CFAP61: variants seen among roughly 807,000 people sequenced by gnomAD.
CFAP61 encodes the protein cilia- and flagella-associated protein 61.
Under a neutral mutation model 135.6 loss-of-function variants are expected in CFAP61, and 107 were observed. The ratio of observed to expected loss-of-function variants is 0.79; its 90% CI spans 0.67 to 0.93. CFAP61 has a LOEUF of 0.93. CFAP61 is among the 40% of genes least tolerant of loss of function. CFAP61 has a pLI of 0.00. For missense variants in CFAP61, 1,507 were observed against 1,556.2 expected (o/e 0.97, Z 0.53); for synonymous variants, 575 against 578.5 (o/e 0.99, Z 0.09).
intron 8 of CFAP61, among the ~76,000 whole-genome samples, chr20:20,099,272 T>C (rs759180475): frequency 1.3e-5 from 2 of 152,206 alleles, no homozygotes; most frequent in Non-Finnish European, 2.9e-5. Context: ...CATTATGTAG[T>C]ATAGGTCTGT....
At chr20:20,269,227 ATG>A (rs1481009941) in intron 21 of CFAP61, among the ~76,000 whole-genome samples, 3 of 143,994 alleles carry the variant, frequency 2.1e-5, no homozygotes, top group Non-Finnish European at 4.6e-5. Context: ...ATATACATAT[ATG>A]TATATATATA....
chr20:20,216,876 A>G (rs551486186), intron 17 of CFAP61, among the ~76,000 whole-genome samples: 1 of 151,816 alleles, frequency 6.6e-6, no homozygotes, highest in African/African-American at 2.4e-5. Context: ...CCCTGATCTG[A>G]TGTGAAGTAT....
intron 21 of CFAP61, among the ~76,000 whole-genome samples, chr20:20,264,735 T>G (rs1398843754): frequency 6.6e-6 from 1 of 151,934 alleles, no homozygotes; most frequent in Non-Finnish European, 1.5e-5. Flanking sequence ...CTACAAAAAA[T>G]ACAAAAATTA....
intron 26 of CFAP61, among the ~76,000 whole-genome samples, chr20:20,353,798 C>A (rs372998410): frequency 2.0e-4 from 31 of 152,232 alleles, no homozygotes; most frequent in African/African-American, 7.0e-4. Context: ...ACCACCTCAC[C>A]CTTGTTAGTA....
chr20:20,175,022 G>A lies in CFAP61; in HGVS notation c.1385+5562G>A, dbSNP rs2054508597. ...CTGCAAGTCAGCCAGGGGTGCAAGA[G>A]GAGTCCAGGTGCAACAGCCAGGGTC... On this transcript the variant is annotated intron_variant, in intron 13 of 26. Coordinates refer to ENST00000245957, the MANE Select transcript of CFAP61 (RefSeq NM_015585.4). Among the ~76,000 whole-genome samples, 2 of 152,194 alleles carry A rather than the reference G, an allele frequency of 1.3e-5. 1 individual carries two copies. Among genetic ancestry groups the A allele is most frequent in the South Asian group, 4.1e-4 (2 of 4,820 alleles).
chr20:20,155,037 A>G (rs540282106), intron 9 of CFAP61, among the ~76,000 whole-genome samples: 1 of 152,188 alleles, frequency 6.6e-6, no homozygotes, highest in Non-Finnish European at 1.5e-5. Context: ...CTATAAGGCT[A>G]TAGTTACCAA....
intron 2 of CFAP61, among the ~76,000 whole-genome samples, chr20:20,068,965 G>A (rs141012936): frequency 0.016 from 2,366 of 152,266 alleles, 65 homozygotes; most frequent in African/African-American, 0.054. Flanking sequence ...GAATGGTCTC[G>A]AACTCTTGAC....
chr20:20,336,996 C>G (rs1048543731), intron 25 of CFAP61, among the ~76,000 whole-genome samples: 2 of 152,214 alleles, frequency 1.3e-5, no homozygotes, highest in Non-Finnish European at 2.9e-5. Context: ...GGGCCATATT[C>G]GATTCATGGC....
chr20:20,074,242 G>T, intron 3 of CFAP61, 60 bp from the exon 4 acceptor site: 1 of 1,411,036 alleles, frequency 7.1e-7, no homozygotes, highest in South Asian at 1.1e-5. Flanking sequence ...TTTCCACCCT[G>T]TGCTGACCTA....
intron 21 of CFAP61, among the ~76,000 whole-genome samples, chr20:20,264,601 T>A (rs1332245031): frequency 6.6e-6 from 1 of 152,224 alleles, no homozygotes; most frequent in African/African-American, 2.4e-5. Flanking sequence ...AATTCTCTAA[T>A]CCATGGGTTG....
intron 9 of CFAP61, 41 bp from the exon 10 acceptor site, chr20:20,159,329 G>A (rs1378647415): frequency 1.3e-6 from 2 of 1,591,478 alleles, no homozygotes; most frequent in Admixed American, 1.7e-5. Flanking sequence ...AACCACTGTA[G>A]GTGTCGATTA....
chr20:20,265,280 C>T, intron 21 of CFAP61: 1 of 721,090 alleles, frequency 1.4e-6, no homozygotes, highest in Non-Finnish European at 2.5e-6. Flanking sequence ...GAGCATTTGA[C>T]CAAGAAAAGA....
chr20:20,154,894 C>T (rs756709511), intron 9 of CFAP61, among the ~76,000 whole-genome samples: 7 of 152,042 alleles, frequency 4.6e-5, no homozygotes, highest in Non-Finnish European at 7.4e-5. Context: ...AAAATACCAT[C>T]ATCATTCTTC....
chr20:20,298,776 G>A (rs769257292), intron 25 of CFAP61, among the ~76,000 whole-genome samples: 15 of 152,220 alleles, frequency 9.9e-5, no homozygotes, highest in Non-Finnish European at 1.9e-4. Flanking sequence ...CGCGATCATG[G>A]GACGGGGTGT....
At chr20:20,225,615 ATTAC>A (rs200216424) in intron 17 of CFAP61, 3 of 152,340 alleles carry the variant, frequency 2.0e-5, no homozygotes, top group East Asian at 3.9e-4. Context: ...GGAGAATTTC[ATTAC>A]TGCCCATGTT....
chr20:20,054,152 T>C (rs2146522123), intron 1 of CFAP61, among the ~76,000 whole-genome samples: 1 of 152,154 alleles, frequency 6.6e-6, no homozygotes, highest in South Asian at 2.1e-4. Context: ...TCTGATTTTA[T>C]TCTTCTCAGA....
chr20:20,342,568 G>A (rs1312400534), intron 26 of CFAP61, among the ~76,000 whole-genome samples: 1 of 152,206 alleles, frequency 6.6e-6, no homozygotes, highest in Non-Finnish European at 1.5e-5. Flanking sequence ...TGAATCTCCA[G>A]CCTGGCTCTA....
chr20:20,324,567 A>G (rs560171291), intron 25 of CFAP61, among the ~76,000 whole-genome samples: 1 of 152,312 alleles, frequency 6.6e-6, no homozygotes, highest in Non-Finnish European at 1.5e-5. Flanking sequence ...ATATAATGTT[A>G]CCACTGAACA....
chr20:20,258,909 C>CAGTT lies in CFAP61; in HGVS notation c.2329-4043_2329-4040dup, dbSNP rs1213746759. On this transcript the variant is annotated intron_variant, in intron 20 of 26. Coordinates refer to ENST00000245957, the MANE Select transcript of CFAP61 (RefSeq NM_015585.4). ...GAAGCTTAGGTAGTTTGCCCAGGGT[C>CAGTT]AGTTAGTAGGGAGGTGATAGACTAG... is the stretch of plus-strand genomic sequence containing the variant. Among the ~76,000 whole-genome samples, 3 of 152,168 alleles carry CAGTT rather than the reference C, an allele frequency of 2.0e-5. No individual in the cohort carries two copies. In the East Asian group the frequency reaches 5.8e-4, roughly 29 times the overall value.
Sources: allele counts gnomAD v4.1 joint callset (sites outside exome capture counted in the v4.1 genomes callset), GRCh38; gene constraint gnomAD v4.1.1; transcripts MANE v1.5; gene names NCBI Gene and HGNC (gene_info 2026-07-23, HGNC 2026-07-21).